ZYG11B: variants seen among roughly 807,000 people sequenced by gnomAD.
ZYG11B encodes the protein protein zyg-11 homolog B.
In ZYG11B, 36 loss-of-function variants were observed where a neutral mutation model predicts 82.4. The observed-to-expected ratio is 0.44, with a 90% CI of 0.33 to 0.58. The LOEUF (loss-of-function observed/expected upper bound fraction) is 0.58, where lower values mean the gene tolerates loss of function less well. ZYG11B is among the 20% of genes least tolerant of loss of function. The probability of loss-of-function intolerance (pLI) is 0.02; values close to 1 mark genes in which losing one functional copy is unlikely to be tolerated. For missense variants in ZYG11B, 552 were observed against 895.6 expected, an observed-to-expected ratio of 0.62 and a Z score of 4.90; for synonymous variants, 303 against 312.8, an observed-to-expected ratio of 0.97 and a Z score of 0.33.
At chr1:52,799,924 A>G (rs1465966383) in intron 8 of ZYG11B, among the ~76,000 whole-genome samples, 3 of 152,198 alleles carry the variant, frequency 2.0e-5, no homozygotes, top group African/African-American at 7.2e-5. Flanking sequence ...CTTACTAGCC[A>G]TGTATTTTGG....
At chr1:52,745,169 A>G (rs2149923556) in intron 1 of ZYG11B, among the ~76,000 whole-genome samples, 1 of 152,322 alleles carries the variant, frequency 6.6e-6, no homozygotes, top group Non-Finnish European at 1.5e-5. Flanking sequence ...CAAACTAACC[A>G]ACAAAACAGA....
chr1:52,766,774 C>T (rs1020453123), intron 2 of ZYG11B, among the ~76,000 whole-genome samples: 15 of 152,020 alleles, frequency 9.9e-5, no homozygotes, highest in African/African-American at 3.4e-4. Flanking sequence ...TTTGGGAGGC[C>T]GAGGCGGGCG....
chr1:52,770,257 G>C (rs1248584796), intron 2 of ZYG11B, among the ~76,000 whole-genome samples: 1 of 151,596 alleles, frequency 6.6e-6, no homozygotes, highest in Non-Finnish European at 1.5e-5. Flanking sequence ...TGCCCAACTC[G>C]TTTTCAGTTA....
At chr1:52,736,815 C>T (rs1327122005) in intron 1 of ZYG11B, among the ~76,000 whole-genome samples, 1 of 152,130 alleles carries the variant, frequency 6.6e-6, no homozygotes. Context: ...TCTCGAACTC[C>T]TGTCCTCAAG....
intron 12 of ZYG11B, 115 bp downstream of exon 12, chr1:52,814,027 A>G (rs1299592825): frequency 2.1e-6 from 2 of 947,402 alleles, no homozygotes; most frequent in African/African-American, 3.4e-5. Context: ...TTGGTTATTT[A>G]TTTATTTATT....
intron 3 of ZYG11B, among the ~76,000 whole-genome samples, chr1:52,776,229 AAT>A (rs1293809937): frequency 2.5e-4 from 6 of 23,536 alleles, no homozygotes; most frequent in Non-Finnish European, 6.9e-4. Flanking sequence ...TAAAAAAAAA[AAT>A]ATATATATAT....
intron 3 of ZYG11B, among the ~76,000 whole-genome samples, chr1:52,775,926 G>C (rs1644801099): frequency 6.6e-6 from 1 of 151,460 alleles, no homozygotes; most frequent in African/African-American, 2.4e-5. Flanking sequence ...ATAAAACATA[G>C]AGGCAATGTC....
At position 52,813,468 on chromosome 1, in the gene ZYG11B, A is replaced by G. The variant is rs1645200719; in HGVS notation, c.1696-68A>G. On this transcript the variant is annotated intron_variant, in intron 10 of 13. Coordinates refer to ENST00000294353, the MANE Select transcript of ZYG11B (RefSeq NM_024646.3). ...TGAATTGCCTGTTATCCAGGGCCTAAAAACAGTTATCTTAACCATTTACTA... is the reference window on the plus strand; with the variant it reads ...TGAATTGCCTGTTATCCAGGGCCTAGAAACAGTTATCTTAACCATTTACTA... 7.1e-6 allele frequency: 9 copies of G among 1,272,980 alleles called. No individual in the cohort carries two copies. The South Asian group carries it at 1.4e-4, about 19-fold the overall frequency. 78.9% of individuals were successfully genotyped at this position (1,272,980 alleles called of 1,614,324 possible). A position where few individuals can be genotyped will look rare whatever the true frequency, so the allele number is the denominator to read the frequency against.
chr1:52,785,543 A>G (rs903979902), intron 5 of ZYG11B, among the ~76,000 whole-genome samples: 4 of 152,038 alleles, frequency 2.6e-5, no homozygotes, highest in Non-Finnish European at 4.4e-5. Flanking sequence ...TGCAACCTCC[A>G]CTTCCCGGGT....
rs1264286877 is a variant in ZYG11B, at chr1:52,826,996, G to C, written c.*5367G>C. 6.6e-6 allele frequency: 1 copy of C among 152,246 alleles called. No individual in the cohort carries two copies. The highest frequency in any genetic ancestry group is 2.4e-5 in the African/African-American group (1 of 41,550). 9.4% of individuals were successfully genotyped at this position (152,246 alleles called of 1,614,324 possible). A position where few individuals can be genotyped will look rare whatever the true frequency, so the allele number is the denominator to read the frequency against. ...AAAACTTTATACTCTCAGATAATCT[G>C]CAACAACAAAAATTAAGAAATCCCT... On this transcript the variant is annotated 3_prime_UTR_variant, in exon 14 of 14. Coordinates refer to ENST00000294353, the MANE Select transcript of ZYG11B (RefSeq NM_024646.3).
chr1:52,752,844 C>T (rs1436116248), intron 1 of ZYG11B, among the ~76,000 whole-genome samples: 1 of 100,076 alleles, frequency 1.0e-5, no homozygotes, highest in Non-Finnish European at 1.8e-5. Context: ...CAATTCGGAC[C>T]ATTTTTTTTT....
chr1:52,744,700 G>A (rs1644462188), intron 1 of ZYG11B, among the ~76,000 whole-genome samples: 1 of 152,130 alleles, frequency 6.6e-6, no homozygotes, highest in African/African-American at 2.4e-5. Flanking sequence ...AAGTTAGCCG[G>A]GCATGGTGGC....
intron 12 of ZYG11B, among the ~76,000 whole-genome samples, chr1:52,815,147 G>A (rs1357148717): frequency 6.6e-6 from 1 of 151,902 alleles, no homozygotes; most frequent in East Asian, 1.9e-4. Context: ...GACAGAATGA[G>A]ACTCTCAAAA....
chr1:52,751,568 G>A (rs765659496), intron 1 of ZYG11B, among the ~76,000 whole-genome samples: 10 of 152,052 alleles, frequency 6.6e-5, no homozygotes, highest in Non-Finnish European at 1.0e-4. Context: ...GTGAGGCAGA[G>A]GTTGCAGTGA....
intron 1 of ZYG11B, among the ~76,000 whole-genome samples, chr1:52,742,951 C>T (rs1366482282): frequency 6.6e-6 from 1 of 151,696 alleles, no homozygotes; most frequent in Non-Finnish European, 1.5e-5. Flanking sequence ...GCAGCCCCCG[C>T]CCGGCCAGCC....
In ZYG11B at chr1:52,771,588, T is replaced by C; in HGVS notation, c.765T>C (p.Ala255=). Residue 255 remains alanine, a synonymous_variant, in exon 3 of 14, where the codon GCT becomes GCC. Transcript: ENST00000294353. This position sits in a 1 kb window ranked among gnomAD's most constrained non-coding sequence, Gnocchi z 5.4. ...SDDKQFTSDI[A]LRLLEQKDIL... is the part of the protein sequence containing the mutation. Reference sequence around the variant, plus strand: ...ATAAACAGTTTACATCAGACATAGCTCTTCGCTTACTAGAACAAAAAGACA... The same window carrying C: ...ATAAACAGTTTACATCAGACATAGCCCTTCGCTTACTAGAACAAAAAGACA... 4 of 1,614,230 alleles carry C rather than the reference T, an allele frequency of 2.5e-6. No individual in the cohort carries two copies. In the South Asian group the frequency reaches 4.4e-5, roughly 18 times the overall value.
In ZYG11B at chr1:52,827,063, T is replaced by C. The variant is rs556339259; in HGVS notation, c.*5434T>C. On this transcript the variant is annotated 3_prime_UTR_variant, in exon 14 of 14. Coordinates refer to ENST00000294353, the MANE Select transcript of ZYG11B (RefSeq NM_024646.3). ...CCACTGTCAAATTCTCACTGACTTA[T>C]GAGTGTGAGAGAAGTTATCTTTTGT... is the stretch of plus-strand genomic sequence containing the variant. The C allele has an allele frequency of 1.3e-5, 2 of 152,334 alleles. No homozygotes were observed. The highest frequency in any genetic ancestry group is 2.1e-4 in the South Asian group (1 of 4,830). The allele number at this position is 152,334 out of a possible 1,614,324, so 9.4% of individuals were successfully genotyped here. A position where few individuals can be genotyped will look rare whatever the true frequency, so the allele number is the denominator to read the frequency against.
intron 1 of ZYG11B, among the ~76,000 whole-genome samples, chr1:52,746,651 A>C (rs1418402361): frequency 1.4e-5 from 2 of 145,944 alleles, no homozygotes; most frequent in Non-Finnish European, 3.0e-5. Flanking sequence ...TCCCAAAAAA[A>C]CACTATATTA....
intron 8 of ZYG11B, among the ~76,000 whole-genome samples, chr1:52,798,005 T>C (rs1645042398): frequency 6.6e-6 from 1 of 151,462 alleles, no homozygotes. Context: ...TGCCCGTGGT[T>C]CCAACTACTC....
Sources: gnomAD v4.1 joint callset for allele counts (sites outside exome capture counted in the v4.1 genomes callset) on GRCh38, gnomAD v4.1.1 for gene constraint, Gnocchi (gnomAD v3.1) non-coding constraint, MANE v1.5 for transcripts, NCBI Gene and HGNC (gene_info 2026-07-23, HGNC 2026-07-21) for gene names.